Variants in TBKBP1 observed in about 807,000 individuals in gnomAD.
TBKBP1 encodes TBK1 binding protein 1, also known as TANK-binding kinase 1-binding protein 1.
A neutral mutation model predicts 69.9 loss-of-function variants in TBKBP1; 47 were observed. The ratio of observed to expected loss-of-function variants is 0.67; its 90% CI spans 0.53 to 0.86. The LOEUF is 0.86. Ranked by LOEUF, TBKBP1 falls within the 40% of genes least tolerant of loss-of-function variation. The probability of loss-of-function intolerance (pLI) is 0.00; values close to 1 mark genes in which losing one functional copy is unlikely to be tolerated. For synonymous variants in TBKBP1, 418 were observed against 390.3 expected (o/e 1.07, Z -0.84); for missense variants, 831 against 858.6 (o/e 0.97, Z 0.40).
In TBKBP1 at chr17:47,708,347, G is replaced by A; in HGVS notation, c.873-47G>A. The A allele has an allele frequency of 2.5e-6, 4 of 1,598,942 alleles. No individual in the cohort carries two copies. Among genetic ancestry groups the A allele is most frequent in the Non-Finnish European group, 3.4e-6 (4 of 1,167,362 alleles). ...CAGTTCTTCCTCCACAGCTGGGACG[G>A]TAGACCCACTGCCCTTCTCGTCTTT... On this transcript the variant is annotated intron_variant, in intron 7 of 9. Coordinates refer to ENST00000578982, the MANE Select transcript of TBKBP1 (RefSeq NM_001394755.1). The surrounding 1 kb of genome is among the most constrained non-coding windows in gnomAD (Gnocchi z 4.4).
At position 47,699,408 on chromosome 17, in the gene TBKBP1, G is replaced by C. The variant is rs774756843; in HGVS notation, c.723G>C (p.Arg241=). ...EALEAAQGEA[R]GAQLREEQLQ... ...TGGAGGCCGCGCAGGGAGAGGCCCG[G>C]GGGGCTCAGCTCCGGGAGGAGCAGC... Residue 241 remains arginine, a synonymous_variant, in exon 6 of 10, where the codon CGG becomes CGC. Transcript: ENST00000578982. 31 of 1,567,244 alleles carry C rather than the reference G, an allele frequency of 2.0e-5. No homozygotes were observed. Among genetic ancestry groups the C allele is most frequent in the Non-Finnish European group, 2.5e-5 (29 of 1,160,682 alleles).
intron 1 of TBKBP1, chr17:47,694,696 G>A (rs1355645250): frequency 2.0e-5 from 3 of 152,292 alleles, no homozygotes; most frequent in Admixed American, 2.0e-4. Flanking sequence ...CCGCCAGCGG[G>A]GTGGGCGCAG....
At chr17:47,697,221 G>C (rs1297235049) in intron 4 of TBKBP1, 28 bp downstream of exon 4, 1 of 1,592,410 alleles carries the variant, frequency 6.3e-7, no homozygotes, top group Non-Finnish European at 8.6e-7. Context: ...GGAGGTGCTT[G>C]AGGATGTGTA....
At chr17:47,698,058 C>T (rs946571139) in intron 4 of TBKBP1, among the ~76,000 whole-genome samples, 1 of 151,180 alleles carries the variant, frequency 6.6e-6, no homozygotes, top group African/African-American at 2.4e-5. Flanking sequence ...AAAAGTGGGG[C>T]AAATATTAAC....
chr17:47,708,805 C>A lies in TBKBP1; in HGVS notation c.1072C>A (p.Pro358Thr), dbSNP rs1365012272. The change falls in exon 9 of 10, where the codon CCC becomes ACC. Residue 358 changes from proline to threonine, a missense_variant. Pro to Thr is a conservative substitution (Grantham distance 38, BLOSUM62 -1). Coordinates refer to ENST00000578982, the MANE Select transcript of TBKBP1 (RefSeq NM_001394755.1). The surrounding 1 kb of genome is among the most constrained non-coding windows in gnomAD (Gnocchi z 4.4). The stretch of plus-strand genomic sequence containing the variant: ...CCCCTCCCCGCCTGCCCGAGCGGCT[C>A]CCCCGTGCCCCCCGTGCCAGTCCCC... ...PSPSPPARAA[P>T]PCPPCQSPVP... 6 of 890,756 alleles carry A rather than the reference C, an allele frequency of 6.7e-6. No individual in the cohort carries two copies. The highest frequency in any genetic ancestry group is 9.8e-6 in the Non-Finnish European group (6 of 611,568). The allele number at this position is 890,756 out of a possible 1,614,324, so 55.2% of individuals were successfully genotyped here. A position where few individuals can be genotyped will look rare whatever the true frequency, so the allele number is the denominator to read the frequency against.
rs982858556 is a variant in TBKBP1, at chr17:47,698,517, G to A, written c.454-78G>A. The A allele has an allele frequency of 9.7e-5, 137 of 1,410,624 alleles. No homozygotes were observed. In the African/African-American group the frequency reaches 1.7e-3, roughly 17 times the overall value. The allele number at this position is 1,410,624 out of a possible 1,614,324, so 87.4% of individuals were successfully genotyped here. A position where few individuals can be genotyped will look rare whatever the true frequency, so the allele number is the denominator to read the frequency against. On this transcript the variant is annotated intron_variant, in intron 4 of 9. Transcript: ENST00000578982. ...GGATGTGTGACCTGGGGCCTCTGCT[G>A]TAGTCTGGGGTGATGACTCTCCAGA...
In TBKBP1 at chr17:47,708,870, G is replaced by A. The variant is rs1240350316; in HGVS notation, c.1137G>A (p.Ser379=). The stretch of plus-strand genomic sequence containing the variant: ...GCTCTCCCGTGCCCCCGTGCCCCTC[G>A]CCGCAGCAGCGCCGCTCTCCGGCCT... ...QRRSPVPPCP[S]PQQRRSPASP... The change falls in exon 9 of 10, where the codon TCG becomes TCA. Residue 379 remains serine, a synonymous_variant. Coordinates refer to ENST00000578982, the MANE Select transcript of TBKBP1 (RefSeq NM_001394755.1). The surrounding 1 kb of genome is among the most constrained non-coding windows in gnomAD (Gnocchi z 4.4). The A allele has an allele frequency of 1.4e-6, 2 of 1,408,810 alleles. No individual in the cohort carries two copies. Among genetic ancestry groups the A allele is most frequent in the Non-Finnish European group, 9.2e-7 (1 of 1,088,508 alleles). 87.3% of individuals were successfully genotyped at this position (1,408,810 alleles called of 1,614,324 possible).
chr17:47,710,457 G>A (rs1354231066), intron 9 of TBKBP1, 41 bp from the exon 10 acceptor site: 1 of 1,583,808 alleles, frequency 6.3e-7, no homozygotes, highest in African/African-American at 1.3e-5. Context: ...GACCATGGGT[G>A]GGGGCTGGGG....
rs1312233591 is a variant in TBKBP1, at chr17:47,710,831, T to TC, written c.*211dup. ...CTCTTCCTGGGAGGTCAGCCGAGGC[T>TC]CCCCCCATGCTCCTGGTTTCTGCTT... is the stretch of plus-strand genomic sequence containing the variant. On this transcript the variant is annotated 3_prime_UTR_variant, in exon 10 of 10. Coordinates refer to ENST00000578982, the MANE Select transcript of TBKBP1 (RefSeq NM_001394755.1). 3 of 630,162 alleles carry TC rather than the reference T, an allele frequency of 4.8e-6. No individual in the cohort carries two copies. Among genetic ancestry groups the TC allele is most frequent in the East Asian group, 3.3e-5 (1 of 30,230 alleles). 39.0% of individuals were successfully genotyped at this position (630,162 alleles called of 1,614,324 possible).
intron 7 of TBKBP1, among the ~76,000 whole-genome samples, chr17:47,702,102 A>G (rs2031530555): frequency 6.6e-6 from 1 of 151,926 alleles, no homozygotes; most frequent in Non-Finnish European, 1.5e-5. Context: ...TTTCTTATAA[A>G]CTCAGCTCCT....
In TBKBP1 at chr17:47,708,503, C is replaced by T; in HGVS notation, c.982C>T (p.Arg328Trp). The part of the protein sequence containing the change: ...ILRTLLQEQA[R>W]SGGQRHSPLS... ...GAGGACTCTGTTGCAGGAACAGGCC[C>T]GGAGTGGCGGTGAGATGGGGCAGGG... The change falls in exon 8 of 10, where the codon CGG (arginine) becomes TGG (tryptophan). Residue 328 changes from arginine to tryptophan, a missense_variant. Coordinates refer to ENST00000578982, the MANE Select transcript of TBKBP1 (RefSeq NM_001394755.1). This position sits in a 1 kb window ranked among gnomAD's most constrained non-coding sequence, Gnocchi z 4.4. 6.2e-7 allele frequency: 1 copy of T among 1,613,744 alleles called. No homozygotes were observed. Among genetic ancestry groups the T allele is most frequent in the South Asian group, 1.1e-5 (1 of 91,076 alleles).
chr17:47,697,793 AAAG>A lies in TBKBP1; in HGVS notation c.453+604_453+606del, dbSNP rs1239510513. ...ACCCCATCTCTACAAAAAATACAAA[AAAG>A]AAGTTAGCCAGGTGTGGTGGTGCAC... On this transcript the variant is annotated intron_variant, in intron 4 of 9. Coordinates refer to ENST00000578982, the MANE Select transcript of TBKBP1 (RefSeq NM_001394755.1). Among the ~76,000 whole-genome samples the A allele has an allele frequency of 2.0e-5, 3 of 151,790 alleles. No homozygotes were observed. In the East Asian group the frequency reaches 5.8e-4, roughly 29 times the overall value.
At chr17:47,705,884 G>A (rs1371434482) in intron 7 of TBKBP1, among the ~76,000 whole-genome samples, 1 of 152,194 alleles carries the variant, frequency 6.6e-6, no homozygotes, top group Non-Finnish European at 1.5e-5. Flanking sequence ...GTTCTGGGTG[G>A]ACAGAACCCA....
At chr17:47,699,824 CT>C (rs373996808) in intron 7 of TBKBP1, 127 bp downstream of exon 7, 168,446 of 738,624 alleles carry the variant, frequency 0.23, 5 homozygotes, top group South Asian at 0.28. Flanking sequence ...AGGTGGGGTT[CT>C]TTTTTTTTTT....
In TBKBP1 at chr17:47,709,138, G is replaced by A; in HGVS notation, c.1405G>A (p.Ala469Thr). 1.0e-5 allele frequency: 14 copies of A among 1,388,768 alleles called. No individual in the cohort carries two copies. Among genetic ancestry groups the A allele is most frequent in the Admixed American group, 3.7e-5 (1 of 26,872 alleles). The allele number at this position is 1,388,768 out of a possible 1,614,324, so 86.0% of individuals were successfully genotyped here. A position where few individuals can be genotyped will look rare whatever the true frequency, so the allele number is the denominator to read the frequency against. The change falls in exon 9 of 10, where the codon GCG becomes ACG. Residue 469 changes from alanine (A) to threonine (T), a missense_variant. Coordinates refer to ENST00000578982, the MANE Select transcript of TBKBP1 (RefSeq NM_001394755.1). ...RRSYSELAEG[A>T]AYAGASPPWL... Reference sequence around the variant, plus strand: ...CAGCTACTCTGAGCTGGCGGAGGGCGCGGCCTACGCGGGCGCCTCCCCGCC... The same window carrying A: ...CAGCTACTCTGAGCTGGCGGAGGGCACGGCCTACGCGGGCGCCTCCCCGCC...
intron 7 of TBKBP1, among the ~76,000 whole-genome samples, chr17:47,702,313 G>A (rs2031538193): frequency 6.6e-6 from 1 of 152,110 alleles, no homozygotes; most frequent in Admixed American, 6.6e-5. Context: ...ACCCAGGTTT[G>A]GGGTGTGATT....
At chr17:47,710,128 T>C (rs180874797) in intron 9 of TBKBP1, among the ~76,000 whole-genome samples, 42 of 152,356 alleles carry the variant, frequency 2.8e-4, no homozygotes, top group African/African-American at 1.0e-3. Flanking sequence ...GACCAAAATA[T>C]ACTCCAAAGC....
chr17:47,701,185 T>G (rs1464656186), intron 7 of TBKBP1, among the ~76,000 whole-genome samples: 2 of 152,154 alleles, frequency 1.3e-5, no homozygotes, highest in African/African-American at 4.8e-5. Context: ...GAGTGAGGGC[T>G]TGGGTGGAGC....
Position 47,708,795 on chromosome 17 carries a change from C to T in TBKBP1, c.1062C>T (p.Ala354=). The T allele has an allele frequency of 8.8e-7, 1 of 1,135,120 alleles. No individual in the cohort carries two copies. The highest frequency in any genetic ancestry group is 1.5e-5 in the South Asian group (1 of 66,114). 70.3% of individuals were successfully genotyped at this position (1,135,120 alleles called of 1,614,324 possible). The part of the protein sequence containing the change: ...APQCPSPSPP[A]RAAPPCPPCQ... ...AGTGCCCCTCCCCCTCCCCGCCTGCCCGAGCGGCTCCCCCGTGCCCCCCGT... is the reference window on the plus strand; with the variant it reads ...AGTGCCCCTCCCCCTCCCCGCCTGCTCGAGCGGCTCCCCCGTGCCCCCCGT... Residue 354 remains alanine (A), a synonymous_variant, in exon 9 of 10, where the codon GCC becomes GCT. Coordinates refer to ENST00000578982, the MANE Select transcript of TBKBP1 (RefSeq NM_001394755.1). This position sits in a 1 kb window ranked among gnomAD's most constrained non-coding sequence, Gnocchi z 4.4.
Sources: allele counts gnomAD v4.1 joint callset (sites outside exome capture counted in the v4.1 genomes callset), GRCh38; gene constraint gnomAD v4.1.1; non-coding constraint Gnocchi (gnomAD v3.1); transcripts MANE v1.5; gene names NCBI Gene and HGNC (gene_info 2026-07-23, HGNC 2026-07-21).